SLC9A4: variants seen among roughly 807,000 people sequenced by gnomAD.
SLC9A4 encodes the protein solute carrier family 9 member A4.
SLC9A4 carries 63 observed loss-of-function variants against 67.4 expected under a neutral mutation model. That is an observed-to-expected ratio of 0.93 (90% CI 0.76 to 1.15). The LOEUF (loss-of-function observed/expected upper bound fraction) is 1.15. Among genes scored for constraint, SLC9A4 ranks in the 50% most tolerant of loss-of-function variants. The pLI is 0.00. For missense variants in SLC9A4, 1,089 were observed against 987.7 expected (o/e 1.10, Z -1.38); for synonymous variants, 393 against 367.2 (o/e 1.07, Z -0.80).
At chr2:102,503,857 C>A (rs1268971249) in intron 3 of SLC9A4, 150 bp downstream of exon 3, 10 of 1,099,266 alleles carry the variant, frequency 9.1e-6, no homozygotes, top group Non-Finnish European at 1.1e-5. Flanking sequence ...TTTATGAAAC[C>A]TGATTCGGGT....
At chr2:102,518,410 A>C (rs1333214484) in intron 8 of SLC9A4, among the ~76,000 whole-genome samples, 1 of 152,230 alleles carries the variant, frequency 6.6e-6, no homozygotes, top group Non-Finnish European at 1.5e-5. Flanking sequence ...GTGTGTGGGC[A>C]TATCTAAATC....
At chr2:102,486,769 G>A (rs747969285) in intron 2 of SLC9A4, among the ~76,000 whole-genome samples, 1 of 152,142 alleles carries the variant, frequency 6.6e-6, no homozygotes, top group African/African-American at 2.4e-5. Context: ...TGTGAAATGA[G>A]ACTTCGGATG....
At chr2:102,478,063 C>A (rs191895005) in intron 1 of SLC9A4, among the ~76,000 whole-genome samples, 1 of 152,276 alleles carries the variant, frequency 6.6e-6, no homozygotes, top group East Asian at 1.9e-4. Context: ...CCAGAAGATG[C>A]TTTGTGTGCC....
At chr2:102,527,196 T>C (rs1674683158) in intron 11 of SLC9A4, among the ~76,000 whole-genome samples, 1 of 152,222 alleles carries the variant, frequency 6.6e-6, no homozygotes. Flanking sequence ...ATAGAATGTT[T>C]TGGTGAGCAC....
At chr2:102,488,071 G>A (rs575323290) in intron 2 of SLC9A4, among the ~76,000 whole-genome samples, 47 of 152,218 alleles carry the variant, frequency 3.1e-4, no homozygotes, top group Non-Finnish European at 5.1e-4. Flanking sequence ...GAATTCCTAG[G>A]AAGTTGCATA....
chr2:102,518,990 A>G (rs969919530), intron 8 of SLC9A4, among the ~76,000 whole-genome samples: 1 of 152,232 alleles, frequency 6.6e-6, no homozygotes. Context: ...TGGAATATAT[A>G]TTATTCATGT....
rs778936426 is a variant in SLC9A4, at chr2:102,505,480, C to T, written c.1198+9C>T. 8.1e-6 allele frequency: 13 copies of T among 1,612,396 alleles called. No individual in the cohort carries two copies. The highest frequency in any genetic ancestry group is 1.0e-5 in the Non-Finnish European group (12 of 1,179,520). On this transcript the variant is annotated intron_variant, in intron 4 of 11. Transcript: ENST00000295269. ...AATCTGGAGAGCCATCAGTAAGAGACGGCAGGGCTCCAGAGTCTCCGGTCC... is the reference window on the plus strand; with the variant it reads ...AATCTGGAGAGCCATCAGTAAGAGATGGCAGGGCTCCAGAGTCTCCGGTCC...
chr2:102,505,029 C>T (rs1251387190), intron 3 of SLC9A4, among the ~76,000 whole-genome samples: 1 of 152,168 alleles, frequency 6.6e-6, no homozygotes, highest in South Asian at 2.1e-4. Context: ...CACCGTGCCA[C>T]GCCCACCTTC....
chr2:102,516,323 G>A (rs1294910302), intron 8 of SLC9A4, among the ~76,000 whole-genome samples: 1 of 152,028 alleles, frequency 6.6e-6, no homozygotes, highest in East Asian at 1.9e-4. Context: ...TTTTAAAGTT[G>A]ATATTTAATA....
intron 10 of SLC9A4, 147 bp downstream of exon 10, chr2:102,525,302 C>A: frequency 7.5e-7 from 1 of 1,329,890 alleles, no homozygotes; most frequent in Non-Finnish European, 1.0e-6. Flanking sequence ...GATACTAAAG[C>A]AAGAGTGCAG....
intron 8 of SLC9A4, among the ~76,000 whole-genome samples, chr2:102,516,071 T>C (rs1416599103): frequency 1.3e-5 from 2 of 152,230 alleles, no homozygotes; most frequent in Non-Finnish European, 2.9e-5. Flanking sequence ...AGAATCAGTC[T>C]GCCGGGTGGC....
At chr2:102,483,472 T>C (rs1375638776) in intron 2 of SLC9A4, among the ~76,000 whole-genome samples, 2 of 152,182 alleles carry the variant, frequency 1.3e-5, no homozygotes, top group African/African-American at 4.8e-5. Flanking sequence ...GGCCTGTGAT[T>C]GTGGGTTACA....
At chr2:102,522,893 G>C (rs994864043) in intron 9 of SLC9A4, among the ~76,000 whole-genome samples, 19 of 152,158 alleles carry the variant, frequency 1.2e-4, no homozygotes, top group African/African-American at 4.3e-4. Flanking sequence ...ATGATAAAGA[G>C]CTTCCATTGG....
Position 102,473,651 on chromosome 2 carries a change from C to A in SLC9A4, c.-109C>A. 7.3e-7 allele frequency: 1 copy of A among 1,375,098 alleles called. No individual in the cohort carries two copies. The highest frequency in any genetic ancestry group is 9.9e-7 in the Non-Finnish European group (1 of 1,008,264). The allele number at this position is 1,375,098 out of a possible 1,614,324, so 85.2% of individuals were successfully genotyped here. A position where few individuals can be genotyped will look rare whatever the true frequency, so the allele number is the denominator to read the frequency against. ...TCTTGGGAGGACCCACAGACTGTAC[C>A]TATATTACTTTTGACCCAGGTGGAT... is the stretch of plus-strand genomic sequence containing the variant. On this transcript the variant is annotated 5_prime_UTR_variant, in exon 1 of 12. Coordinates refer to ENST00000295269, the MANE Select transcript of SLC9A4 (RefSeq NM_001011552.4).
Position 102,473,670 on chromosome 2 carries a change from G to A in SLC9A4, c.-90G>A, listed in dbSNP as rs1684267646. 1 of 1,524,318 alleles carries A rather than the reference G, an allele frequency of 6.6e-7. No individual in the cohort carries two copies. Among genetic ancestry groups the A allele is most frequent in the African/African-American group, 1.4e-5 (1 of 72,734 alleles). The allele number at this position is 1,524,318 out of a possible 1,614,324, so 94.4% of individuals were successfully genotyped here. Reference sequence around the variant, plus strand: ...CTGTACCTATATTACTTTTGACCCAGGTGGATGCAGTCACTCTCTAGAAGC... The same window carrying A: ...CTGTACCTATATTACTTTTGACCCAAGTGGATGCAGTCACTCTCTAGAAGC... On this transcript the variant is annotated 5_prime_UTR_variant, in exon 1 of 12. Transcript: ENST00000295269.
At position 102,491,356 on chromosome 2, in the gene SLC9A4, G is replaced by A. The variant is rs575935775; in HGVS notation, c.720+12054G>A. 1.2e-3 allele frequency among the ~76,000 whole-genome samples: 67 copies of A among 56,052 alleles called. 1 individual carries two copies. The East Asian group carries it at 0.013, about 11-fold the overall frequency. 36.8% of individuals were successfully genotyped at this position (56,052 alleles called of 152,430 possible). A position where few individuals can be genotyped will look rare whatever the true frequency, so the allele number is the denominator to read the frequency against. On this transcript the variant is annotated intron_variant, in intron 2 of 11. Coordinates refer to ENST00000295269, the MANE Select transcript of SLC9A4 (RefSeq NM_001011552.4). ...TTTTTTTTTTTTTTTTTTTTTTACT[G>A]TTAATGAAGAAATACCCGAGACTGG...
chr2:102,490,889 A>G (rs376459160), intron 2 of SLC9A4, among the ~76,000 whole-genome samples: 1 of 152,334 alleles, frequency 6.6e-6, no homozygotes, highest in East Asian at 1.9e-4. Flanking sequence ...CTCTCCCTTC[A>G]TAATGTTTAC....
intron 1 of SLC9A4, among the ~76,000 whole-genome samples, chr2:102,475,380 C>T (rs1379689470): frequency 2.6e-5 from 4 of 152,208 alleles, no homozygotes; most frequent in African/African-American, 9.6e-5. Context: ...ACAGAAATGG[C>T]TCAAGTCAAT....
chr2:102,508,206 T>C lies in SLC9A4; in HGVS notation c.1326T>C (p.Pro442=), dbSNP rs1375861223. The change falls in exon 5 of 12, where the codon CCT becomes CCC. Residue 442 remains proline, a synonymous_variant. Transcript: ENST00000295269. ...AGSFSLAFLL[P]LSLFPRKKMF... ...GTTTTTCACTTGCATTTTTGCTTCC[T>C]CTGTCTCTTTTTCCTAGGAAGAAAA... 3 of 1,614,244 alleles carry C rather than the reference T, an allele frequency of 1.9e-6. No individual in the cohort carries two copies. The highest frequency in any genetic ancestry group is 8.5e-7 in the Non-Finnish European group (1 of 1,180,042).
Sources: gnomAD v4.1 joint callset for allele counts (sites outside exome capture counted in the v4.1 genomes callset) on GRCh38, gnomAD v4.1.1 for gene constraint, MANE v1.5 for transcripts, NCBI Gene and HGNC (gene_info 2026-07-23, HGNC 2026-07-21) for gene names.